Variants in PPP6R2 observed in about 807,000 individuals in gnomAD.
PPP6R2 encodes serine/threonine-protein phosphatase 6 regulatory subunit 2.
In PPP6R2, 62 loss-of-function variants were observed where a neutral mutation model predicts 100.2. That is an observed-to-expected ratio of 0.62 (90% CI 0.50 to 0.76). The LOEUF (loss-of-function observed/expected upper bound fraction) is 0.76, where lower values mean the gene tolerates loss of function less well. PPP6R2 is among the 30% of genes least tolerant of loss of function. The pLI, the probability that PPP6R2 is intolerant of heterozygous loss-of-function variation, is 0.00. For missense variants in PPP6R2, 1,142 were observed against 1,276.3 expected (o/e 0.89, Z 1.60); for synonymous variants, 525 against 514.7 (o/e 1.02, Z -0.27).
At chr22:50,382,740 G>A (rs1194123449) in intron 2 of PPP6R2, among the ~76,000 whole-genome samples, 2 of 151,932 alleles carry the variant, frequency 1.3e-5, no homozygotes, top group Admixed American at 1.3e-4. Flanking sequence ...TGTTATACCA[G>A]TTCTTCTCCA....
intron 1 of PPP6R2, among the ~76,000 whole-genome samples, chr22:50,367,070 T>G (rs1384158406): frequency 6.6e-6 from 1 of 152,112 alleles, no homozygotes; most frequent in Non-Finnish European, 1.5e-5. Context: ...AAATGGAGGC[T>G]TTTTAATGAA....
chr22:50,437,923 G>A, intron 17 of PPP6R2, 23 bp downstream of exon 17: 2 of 1,561,102 alleles, frequency 1.3e-6, no homozygotes, highest in Non-Finnish European at 1.7e-6. Context: ...GGCTGTGTGG[G>A]GTGCCGCCAC....
intron 4 of PPP6R2, among the ~76,000 whole-genome samples, chr22:50,412,176 T>C (rs1352414359): frequency 2.6e-5 from 4 of 151,988 alleles, no homozygotes; most frequent in Non-Finnish European, 5.9e-5. Context: ...CATTATGGGC[T>C]CAAAAAAAAT....
the PPP6R2 span, among the ~76,000 whole-genome samples, chr22:50,337,393 AGTG>A: frequency 3.6e-5 from 2 of 55,104 alleles, no homozygotes; most frequent in African/African-American, 1.4e-4. Context: ...GTGTGTGTGT[AGTG>A]TGTGTGTGCG....
At chr22:50,406,933 G>A (rs2059034368) in intron 4 of PPP6R2, 58 bp downstream of exon 4, 3 of 1,523,048 alleles carry the variant, frequency 2.0e-6, no homozygotes. Context: ...ATGCTGACGT[G>A]TCCTGCTGTG....
At chr22:50,382,986 T>A (rs367861302) in intron 2 of PPP6R2, among the ~76,000 whole-genome samples, 1 of 152,172 alleles carries the variant, frequency 6.6e-6, no homozygotes, top group South Asian at 2.1e-4. Flanking sequence ...TACAGGGATA[T>A]GCCATCACGC....
At chr22:50,370,494 G>T (rs12166420) in intron 1 of PPP6R2, among the ~76,000 whole-genome samples, 1 of 151,456 alleles carries the variant, frequency 6.6e-6, no homozygotes, top group Non-Finnish European at 1.5e-5. Flanking sequence ...TCACTATGTT[G>T]GCCAGACTGG....
chr22:50,443,485 G>C (rs1603427956), intron 22 of PPP6R2: 2 of 193,312 alleles, frequency 1.0e-5, no homozygotes, highest in African/African-American at 4.6e-5. Flanking sequence ...ATGCCCGGCA[G>C]GGTCCTCTCT....
At chr22:50,422,517 C>T (rs2061472066) in intron 9 of PPP6R2, 137 bp downstream of exon 9, 1 of 1,197,838 alleles carries the variant, frequency 8.3e-7, no homozygotes, top group Admixed American at 2.8e-5. Context: ...CATTCCCACA[C>T]CCCCACTTGA....
chr22:50,429,656 A>C (rs2148045797), intron 10 of PPP6R2, among the ~76,000 whole-genome samples: 1 of 152,306 alleles, frequency 6.6e-6, no homozygotes, highest in South Asian at 2.1e-4. Context: ...TTTTTGGAAG[A>C]GTTTGAGAAG....
intron 3 of PPP6R2, among the ~76,000 whole-genome samples, chr22:50,401,834 C>T (rs535521818): frequency 7.2e-5 from 11 of 151,732 alleles, no homozygotes; most frequent in African/African-American, 2.7e-4. Context: ...CAGGGTTTCA[C>T]CGTGTTAGCC....
At chr22:50,340,479 GGT>G (rs1402836298), upstream of PPP6R2, among the ~76,000 whole-genome samples, 3 of 132,254 alleles carry the variant, frequency 2.3e-5, no homozygotes, top group African/African-American at 5.8e-5. Context: ...GTGTGTCTCG[GGT>G]GTGTGTGGTG....
rs1284908228 is a variant in PPP6R2, at chr22:50,367,868, C to T, written c.-147-4152C>T. Among the ~76,000 whole-genome samples, 14 of 152,064 alleles carry T rather than the reference C, an allele frequency of 9.2e-5. No individual in the cohort carries two copies. The South Asian group carries it at 1.2e-3, about 14-fold the overall frequency. On this transcript the variant is annotated intron_variant, in intron 1 of 23. Coordinates refer to ENST00000612753, the MANE Select transcript of PPP6R2 (RefSeq NM_001242898.2). Reference sequence around the variant, plus strand: ...CTGGGGGACCACTACTACCAAGACACGGAGACCCGTAGTGGCCCCGAATGC... The same window carrying T: ...CTGGGGGACCACTACTACCAAGACATGGAGACCCGTAGTGGCCCCGAATGC...
chr22:50,401,634 C>A (rs1455230155), intron 3 of PPP6R2, among the ~76,000 whole-genome samples: 3 of 151,506 alleles, frequency 2.0e-5, no homozygotes, highest in African/African-American at 4.9e-5. Context: ...GCCTCAGCCT[C>A]CCTTTTTCTT....
At chr22:50,339,464 GGT>G (rs1473058538), upstream of PPP6R2, among the ~76,000 whole-genome samples, 8 of 115,796 alleles carry the variant, frequency 6.9e-5, no homozygotes, top group Non-Finnish European at 1.4e-4. Flanking sequence ...GTGTGTGATT[GGT>G]GTGTGTGTAG....
chr22:50,352,484 C>G (rs28858534), intron 1 of PPP6R2, among the ~76,000 whole-genome samples: 4 of 152,046 alleles, frequency 2.6e-5, no homozygotes, highest in Non-Finnish European at 5.9e-5. Flanking sequence ...AATCCCAGCA[C>G]TTTGTGAGGC....
intron 3 of PPP6R2, among the ~76,000 whole-genome samples, chr22:50,402,409 C>T (rs903962396): frequency 2.0e-5 from 3 of 151,616 alleles, no homozygotes; most frequent in Non-Finnish European, 4.4e-5. Flanking sequence ...TGTCCCTGGC[C>T]CCAGGAGCCA....
At chr22:50,375,877 G>A (rs953836163) in intron 2 of PPP6R2, among the ~76,000 whole-genome samples, 1 of 72,064 alleles carries the variant, frequency 1.4e-5, no homozygotes, top group African/African-American at 6.1e-5. Context: ...GTCTTGCTTT[G>A]TATCCCAGGC....
intron 2 of PPP6R2, among the ~76,000 whole-genome samples, chr22:50,377,402 C>T (rs986617468): frequency 2.6e-5 from 4 of 152,052 alleles, no homozygotes; most frequent in Admixed American, 6.6e-5. Context: ...CATCATTGTG[C>T]AAGTGCACTG....
Sources: allele counts gnomAD v4.1 joint callset (sites outside exome capture counted in the v4.1 genomes callset), GRCh38; gene constraint gnomAD v4.1.1; transcripts MANE v1.5; gene names NCBI Gene and HGNC (gene_info 2026-07-23, HGNC 2026-07-21).